DISC1: variants seen among roughly 807,000 people sequenced by gnomAD.
DISC1 encodes the protein DISC1 scaffold protein.
In DISC1, 57 loss-of-function variants were observed where a neutral mutation model predicts 84.5. The observed-to-expected ratio is 0.67, with a 90% CI of 0.55 to 0.84. The LOEUF is 0.84. Among genes scored for constraint, DISC1 ranks in the 40% least tolerant of loss-of-function variants. The probability of loss-of-function intolerance (pLI) is 0.00; values close to 1 mark genes in which losing one functional copy is unlikely to be tolerated. For missense variants in DISC1, 1,000 were observed against 1,057.8 expected (o/e 0.95, Z 0.76); for synonymous variants, 411 against 415.2 (o/e 0.99, Z 0.12).
intron 8 of DISC1, among the ~76,000 whole-genome samples, chr1:231,810,702 A>G (rs1036090055): frequency 1.6e-4 from 25 of 152,148 alleles, no homozygotes; most frequent in Admixed American, 9.2e-4. Flanking sequence ...GGCTCACTAG[A>G]AGCGAACATC....
intron 1 of DISC1, among the ~76,000 whole-genome samples, chr1:231,659,792 G>A (rs945953214): frequency 3.3e-5 from 5 of 152,172 alleles, no homozygotes; most frequent in African/African-American, 9.7e-5. Flanking sequence ...GGTTTTGAGT[G>A]AATTTCTTAA....
chr1:231,974,268 T>G (rs1308095934), intron 10 of DISC1, among the ~76,000 whole-genome samples: 1 of 152,118 alleles, frequency 6.6e-6, no homozygotes, highest in African/African-American at 2.4e-5. Context: ...ACCTCAGAGT[T>G]TGAGCTTGAC....
chr1:231,908,618 T>C (rs1185635582), intron 9 of DISC1, among the ~76,000 whole-genome samples: 1 of 152,200 alleles, frequency 6.6e-6, no homozygotes, highest in Non-Finnish European at 1.5e-5. Flanking sequence ...CCTCCAGCTT[T>C]GTTCTTTTGG....
chr1:231,885,518 A>G lies in DISC1; in HGVS notation c.1981+67001A>G, dbSNP rs74144172. Reference sequence around the variant, plus strand: ...TTCAAGCCCGATGTAGCCTGTTCGAAGCAACCCAGCCGGGCAATGAAAGCC... The same window carrying G: ...TTCAAGCCCGATGTAGCCTGTTCGAGGCAACCCAGCCGGGCAATGAAAGCC... On this transcript the variant is annotated intron_variant, in intron 9 of 12. Coordinates refer to ENST00000439617, the MANE Select transcript of DISC1 (RefSeq NM_018662.3). Among the ~76,000 whole-genome samples the G allele has an allele frequency of 8.0e-3, 1,215 of 152,320 alleles. 16 individuals are homozygous for G. Among genetic ancestry groups the G allele is most frequent in the African/African-American group, 0.028 (1,154 of 41,562 alleles).
intron 9 of DISC1, among the ~76,000 whole-genome samples, chr1:231,950,202 T>TTTGTGTGTG (rs1026268258): frequency 1.5e-3 from 137 of 91,708 alleles, no homozygotes; most frequent in Non-Finnish European, 2.4e-3. Flanking sequence ...TGAAAAAAAA[T>TTTGTGTGTG]TCTGTGTGTG....
At position 231,833,355 on chromosome 1, in the gene DISC1, G is replaced by A. The variant is rs1257555934; in HGVS notation, c.1981+14838G>A. Reference sequence around the variant, plus strand: ...TTGAAAAGAAGGTAATGTGGAGTGGGTAGCCTCCATATTGATTAAGAAGGG... The same window carrying A: ...TTGAAAAGAAGGTAATGTGGAGTGGATAGCCTCCATATTGATTAAGAAGGG... On this transcript the variant is annotated intron_variant, in intron 9 of 12. Coordinates refer to ENST00000439617, the MANE Select transcript of DISC1 (RefSeq NM_018662.3). Among the ~76,000 whole-genome samples, 3 of 151,422 alleles carry A rather than the reference G, an allele frequency of 2.0e-5. No homozygotes were observed. The East Asian group carries it at 5.8e-4, about 29-fold the overall frequency.
At chr1:231,981,583 A>G (rs566400056) in intron 10 of DISC1, among the ~76,000 whole-genome samples, 1 of 152,366 alleles carries the variant, frequency 6.6e-6, no homozygotes, top group South Asian at 2.1e-4. Flanking sequence ...CTTTGATAAG[A>G]TGAAGAAATG....
At chr1:231,950,063 C>T (rs1459397408) in intron 9 of DISC1, among the ~76,000 whole-genome samples, 1 of 152,150 alleles carries the variant, frequency 6.6e-6, no homozygotes, top group Non-Finnish European at 1.5e-5. Context: ...TGTGAGCTCA[C>T]TTTTCCTAGC....
At chr1:231,852,182 C>A (rs2083942832) in intron 9 of DISC1, among the ~76,000 whole-genome samples, 1 of 152,188 alleles carries the variant, frequency 6.6e-6, no homozygotes, top group Non-Finnish European at 1.5e-5. Flanking sequence ...TCTCCAAAGG[C>A]CTGACTGACA....
intron 9 of DISC1, among the ~76,000 whole-genome samples, chr1:231,905,289 C>T (rs1434283239): frequency 6.6e-6 from 1 of 152,124 alleles, no homozygotes; most frequent in East Asian, 1.9e-4. Context: ...AAATAACTGG[C>T]CTATGGTCTT....
intron 10 of DISC1, among the ~76,000 whole-genome samples, chr1:231,979,369 G>A (rs1396480625): frequency 6.6e-6 from 1 of 151,916 alleles, no homozygotes; most frequent in East Asian, 1.9e-4. Context: ...CCAGTCCCCA[G>A]TGCCAAAAAG....
intron 10 of DISC1, among the ~76,000 whole-genome samples, chr1:232,008,178 G>A (rs1667697625): frequency 6.6e-6 from 1 of 152,104 alleles, no homozygotes; most frequent in Non-Finnish European, 1.5e-5. Flanking sequence ...GCAATAGAGT[G>A]GAGAACAACA....
At chr1:231,883,246 T>G (rs573225730) in intron 9 of DISC1, among the ~76,000 whole-genome samples, 1 of 152,146 alleles carries the variant, frequency 6.6e-6, no homozygotes, top group Non-Finnish European at 1.5e-5. Context: ...CTCTCTATAA[T>G]ATTAATTAGA....
At chr1:231,678,423 T>C (rs1287346087) in intron 1 of DISC1, among the ~76,000 whole-genome samples, 1 of 152,148 alleles carries the variant, frequency 6.6e-6, no homozygotes, top group Non-Finnish European at 1.5e-5. Flanking sequence ...CATAAGATCA[T>C]CTATAGACTG....
chr1:231,701,019 C>T (rs2066351069), intron 2 of DISC1, among the ~76,000 whole-genome samples: 1 of 152,114 alleles, frequency 6.6e-6, no homozygotes, highest in African/African-American at 2.4e-5. Flanking sequence ...TTAGTCAGTT[C>T]TCATGCTGCT....
At chr1:231,634,177 C>G (rs993575498) in intron 1 of DISC1, among the ~76,000 whole-genome samples, 1 of 152,118 alleles carries the variant, frequency 6.6e-6, no homozygotes, top group African/African-American at 2.4e-5. Context: ...AGCCACCGCG[C>G]CTGGCCTGTA....
chr1:231,957,317 T>C (rs1239475660), intron 9 of DISC1, among the ~76,000 whole-genome samples: 2 of 152,222 alleles, frequency 1.3e-5, no homozygotes, highest in African/African-American at 4.8e-5. Context: ...TGGAGTGTCA[T>C]TTCCCCAGTG....
At chr1:231,823,873 A>G (rs1330380527) in intron 9 of DISC1, among the ~76,000 whole-genome samples, 1 of 152,170 alleles carries the variant, frequency 6.6e-6, no homozygotes, top group Non-Finnish European at 1.5e-5. Flanking sequence ...TTAGATATGT[A>G]GGTATGGACA....
rs568801688 is a variant in DISC1, at chr1:231,803,156, C to T, written c.1792+2946C>T. ...GGGGTGGGAGAATCCACACCCAAGA[C>T]GGTGCATACATATGGTCTGGCTGTT... is the stretch of plus-strand genomic sequence containing the variant. On this transcript the variant is annotated intron_variant, in intron 8 of 12. Transcript: ENST00000439617. 1.4e-4 allele frequency among the ~76,000 whole-genome samples: 22 copies of T among 152,276 alleles called. No individual in the cohort carries two copies. In the East Asian group the frequency reaches 2.3e-3, roughly 16 times the overall value.
Sources: allele counts gnomAD v4.1 joint callset (sites outside exome capture counted in the v4.1 genomes callset), GRCh38; gene constraint gnomAD v4.1.1; transcripts MANE v1.5; gene names NCBI Gene and HGNC (gene_info 2026-07-23, HGNC 2026-07-21).